CTNND2: variants seen among roughly 807,000 people sequenced by gnomAD.
CTNND2 encodes the protein catenin delta-2.
A neutral mutation model predicts 144.4 loss-of-function variants in CTNND2; 22 were observed. That is an observed-to-expected ratio of 0.15 (90% CI 0.11 to 0.22). The LOEUF (loss-of-function observed/expected upper bound fraction) is 0.22. Among genes scored for constraint, CTNND2 ranks in the 10% least tolerant of loss-of-function variants. The pLI is 1.00. For missense variants in CTNND2, 1,353 were observed against 1,618.8 expected (o/e 0.84, Z 2.82); for synonymous variants, 751 against 695.6 (o/e 1.08, Z -1.25).
At chr5:11,390,137 T>C (rs1016360758) in intron 6 of CTNND2, among the ~76,000 whole-genome samples, 2 of 152,234 alleles carry the variant, frequency 1.3e-5, no homozygotes, top group Non-Finnish European at 2.9e-5. Context: ...CTCTCAACAA[T>C]TCCCTTATAT....
At chr5:11,442,137 T>C (rs1370392909) in intron 3 of CTNND2, among the ~76,000 whole-genome samples, 7 of 152,240 alleles carry the variant, frequency 4.6e-5, no homozygotes, top group Non-Finnish European at 7.3e-5. Context: ...GAGTCAGAGA[T>C]AATCCCTGTG....
chr5:11,304,237 A>G (rs1333426059), intron 9 of CTNND2, among the ~76,000 whole-genome samples: 1 of 152,148 alleles, frequency 6.6e-6, no homozygotes, highest in East Asian at 1.9e-4. Flanking sequence ...GTATTAAAAT[A>G]CTTTGTGAAA....
At chr5:11,352,023 C>T (rs1755381590) in intron 8 of CTNND2, among the ~76,000 whole-genome samples, 1 of 152,134 alleles carries the variant, frequency 6.6e-6, no homozygotes. Context: ...GAACTATAAA[C>T]ATTTTGCAAT....
At chr5:11,812,971 A>G (rs933635003) in intron 1 of CTNND2, among the ~76,000 whole-genome samples, 9 of 152,160 alleles carry the variant, frequency 5.9e-5, no homozygotes, top group Admixed American at 6.5e-5. Flanking sequence ...CCCCACACAC[A>G]TACTCATATA....
chr5:11,308,364 C>G (rs569703710), intron 9 of CTNND2, among the ~76,000 whole-genome samples: 1 of 152,246 alleles, frequency 6.6e-6, no homozygotes, highest in Non-Finnish European at 1.5e-5. Flanking sequence ...TGGAAACAGT[C>G]TCTCACAACT....
intron 1 of CTNND2, among the ~76,000 whole-genome samples, chr5:11,864,620 G>C (rs1175231279): frequency 6.6e-6 from 1 of 152,156 alleles, no homozygotes. Flanking sequence ...CTCAGCCACA[G>C]GACTGCTAAC....
At chr5:11,690,052 A>G (rs759148471) in intron 2 of CTNND2, among the ~76,000 whole-genome samples, 14 of 152,256 alleles carry the variant, frequency 9.2e-5, no homozygotes, top group Non-Finnish European at 1.9e-4. Context: ...ACCTGAGTTT[A>G]TATTTTAAAA....
chr5:11,306,742 T>G (rs925522266), intron 9 of CTNND2, among the ~76,000 whole-genome samples: 7 of 152,224 alleles, frequency 4.6e-5, no homozygotes, highest in African/African-American at 1.4e-4. Flanking sequence ...TTCACCATGT[T>G]GTTGAGTCAA....
At chr5:11,303,505 C>T (rs893411688) in intron 9 of CTNND2, among the ~76,000 whole-genome samples, 18 of 152,116 alleles carry the variant, frequency 1.2e-4, no homozygotes, top group Admixed American at 5.2e-4. Flanking sequence ...GTTGCTGAGG[C>T]CTTAGTGATG....
chr5:11,767,822 C>T lies in CTNND2; in HGVS notation c.38-35550G>A, dbSNP rs144136664. On this transcript the variant is annotated intron_variant, in intron 1 of 21. Coordinates refer to ENST00000304623, the MANE Select transcript of CTNND2 (RefSeq NM_001332.4). ...GGAGGTCTGTTGACAGAGCCTTCAT[C>T]GCTGTTCCCCCTGGCTAGACCATTG... Among the ~76,000 whole-genome samples, 324 of 152,224 alleles carry T rather than the reference C, an allele frequency of 2.1e-3. 2 individuals carry two copies. Among genetic ancestry groups the T allele is most frequent in the Non-Finnish European group, 5.1e-4 (35 of 68,024 alleles).
chr5:11,717,250 A>G (rs1786404507), intron 2 of CTNND2, among the ~76,000 whole-genome samples: 1 of 152,046 alleles, frequency 6.6e-6, no homozygotes, highest in African/African-American at 2.4e-5. Flanking sequence ...CACCTTACTC[A>G]CTGTATTAGT....
At chr5:11,879,743 A>G (rs1458792060) in intron 1 of CTNND2, among the ~76,000 whole-genome samples, 1 of 152,138 alleles carries the variant, frequency 6.6e-6, no homozygotes, top group East Asian at 1.9e-4. Flanking sequence ...TATATATGCT[A>G]TCCAATTCTC....
intron 9 of CTNND2, among the ~76,000 whole-genome samples, chr5:11,240,186 A>C (rs258632): frequency 0.012 from 1,470 of 121,248 alleles, 42 homozygotes; most frequent in African/African-American, 0.037. Context: ...ACACTCACAC[A>C]CCCAACACAC....
intron 10 of CTNND2, among the ~76,000 whole-genome samples, chr5:11,218,045 C>A (rs113744941): frequency 1.3e-5 from 2 of 151,440 alleles, no homozygotes; most frequent in Non-Finnish European, 2.9e-5. Flanking sequence ...CTTCTTCCTC[C>A]TTCCTCCTTC....
At chr5:11,837,741 C>A (rs751126988) in intron 1 of CTNND2, among the ~76,000 whole-genome samples, 9 of 151,736 alleles carry the variant, frequency 5.9e-5, no homozygotes, top group Non-Finnish European at 1.2e-4. Flanking sequence ...TTTTTTCCTT[C>A]GAAAAAAACA....
intron 11 of CTNND2, among the ~76,000 whole-genome samples, chr5:11,173,190 A>C (rs1406479385): frequency 6.6e-6 from 1 of 152,260 alleles, no homozygotes; most frequent in African/African-American, 2.4e-5. Flanking sequence ...CTTGCAGCCA[A>C]CCACAGGGTT....
At chr5:11,302,251 T>C (rs894304394) in intron 9 of CTNND2, among the ~76,000 whole-genome samples, 3 of 152,078 alleles carry the variant, frequency 2.0e-5, no homozygotes, top group Non-Finnish European at 4.4e-5. Flanking sequence ...TAAGTGGTGC[T>C]CTCTGGGCAG....
At chr5:11,300,772 G>A (rs895502561) in intron 9 of CTNND2, among the ~76,000 whole-genome samples, 4 of 151,892 alleles carry the variant, frequency 2.6e-5, no homozygotes, top group African/African-American at 7.3e-5. Context: ...TCTCCATGAC[G>A]AGCTAAGCCA....
chr5:11,535,577 GTATT>G (rs1276847241), intron 3 of CTNND2, among the ~76,000 whole-genome samples: 3 of 152,040 alleles, frequency 2.0e-5, no homozygotes, highest in African/African-American at 4.8e-5. Context: ...TATTCCTTGA[GTATT>G]TATAGATTGA....
Sources: allele counts gnomAD v4.1 joint callset (sites outside exome capture counted in the v4.1 genomes callset), GRCh38; gene constraint gnomAD v4.1.1; transcripts MANE v1.5; gene names NCBI Gene and HGNC (gene_info 2026-07-23, HGNC 2026-07-21).